Variants in CELF5 observed in about 807,000 individuals in gnomAD.
CELF5 encodes the protein CUGBP Elav-like family member 5.
CELF5 carries 6 observed loss-of-function variants against 54.9 expected under a neutral mutation model. The ratio of observed to expected loss-of-function variants is 0.11; its 90% CI spans 0.06 to 0.22. The LOEUF (loss-of-function observed/expected upper bound fraction) is 0.22, where lower values mean the gene tolerates loss of function less well. Among genes scored for constraint, CELF5 ranks in the 10% least tolerant of loss-of-function variants. CELF5 has a pLI of 1.00. For synonymous variants in CELF5, 271 were observed against 290.9 expected, an observed-to-expected ratio of 0.93 and a Z score of 0.70; for missense variants, 401 against 678.6, an observed-to-expected ratio of 0.59 and a Z score of 4.54.
rs147271511 is a variant in CELF5, at chr19:3,243,975, C to G, written c.260-7010C>G. 2.3e-4 allele frequency among the ~76,000 whole-genome samples: 35 copies of G among 152,090 alleles called. 1 individual carries two copies. The highest frequency in any genetic ancestry group is 8.0e-4 in the African/African-American group (33 of 41,480). On this transcript the variant is annotated intron_variant, in intron 1 of 12. Coordinates refer to ENST00000292672, the MANE Select transcript of CELF5 (RefSeq NM_021938.4). ...AATTCCATCTGCAATGACCCCGTTT[C>G]CAAATAAAGTCACATTCGGAGGTCC... is the stretch of plus-strand genomic sequence containing the variant.
At chr19:3,288,292 T>C (rs4258735) in intron 10 of CELF5, among the ~76,000 whole-genome samples, 82,974 of 148,854 alleles carry the variant, frequency 0.56, 23,971 homozygotes, top group Middle Eastern at 0.72. Context: ...GAGGCTGAGG[T>C]GGGCAGATTG....
intron 10 of CELF5, 77 bp from the exon 11 acceptor site, chr19:3,290,154 C>T: frequency 8.5e-7 from 1 of 1,177,814 alleles, no homozygotes; most frequent in Non-Finnish European, 1.2e-6. Context: ...ATGCGGGCTC[C>T]AGACCTGTGC....
chr19:3,244,968 G>A (rs538761462), intron 1 of CELF5, among the ~76,000 whole-genome samples: 12 of 145,066 alleles, frequency 8.3e-5, no homozygotes, highest in Admixed American at 2.1e-4. Context: ...TCTTGTCTGC[G>A]TGTGTGTGTG....
intron 1 of CELF5, among the ~76,000 whole-genome samples, chr19:3,245,536 A>G (rs993436873): frequency 7.0e-6 from 1 of 142,632 alleles, no homozygotes; most frequent in African/African-American, 2.6e-5. Flanking sequence ...TAGGGCCACC[A>G]CCCTCCAAAC....
chr19:3,231,585 ATGGG>A (rs1434331869), intron 1 of CELF5, among the ~76,000 whole-genome samples: 46 of 147,440 alleles, frequency 3.1e-4, no homozygotes, highest in African/African-American at 1.1e-3. Context: ...GGATTTGTAG[ATGGG>A]TGGGTGGATG....
chr19:3,278,659 A>G lies in CELF5; in HGVS notation c.603+549A>G, dbSNP rs2080096964. Among the ~76,000 whole-genome samples the G allele has an allele frequency of 6.7e-6, 1 of 149,272 alleles. No individual in the cohort carries two copies. The highest frequency in any genetic ancestry group is 2.5e-5 in the African/African-American group (1 of 40,530). On this transcript the variant is annotated intron_variant, in intron 5 of 12. Coordinates refer to ENST00000292672, the MANE Select transcript of CELF5 (RefSeq NM_021938.4). This position sits in a 1 kb window ranked among gnomAD's most constrained non-coding sequence, Gnocchi z 4.5. The stretch of plus-strand genomic sequence containing the variant: ...AGGAAGCACATGTGTGTGCATCTGC[A>G]GGTGCATTTGTGGGCAGGTTTGTGT...
At chr19:3,242,369 A>G (rs1281644311) in intron 1 of CELF5, among the ~76,000 whole-genome samples, 1 of 151,938 alleles carries the variant, frequency 6.6e-6, no homozygotes, top group African/African-American at 2.4e-5. Flanking sequence ...CCCCGTCTCT[A>G]CTAAAAAATA....
At chr19:3,273,806 C>A in intron 2 of CELF5, 66 bp from the exon 3 acceptor site, 2 of 1,195,558 alleles carry the variant, frequency 1.7e-6, no homozygotes, top group Middle Eastern at 2.1e-4. Flanking sequence ...AGAGCTCAGG[C>A]AAAACCCCCC....
intron 1 of CELF5, among the ~76,000 whole-genome samples, chr19:3,227,580 G>A (rs986489695): frequency 7.9e-5 from 12 of 152,066 alleles, no homozygotes; most frequent in African/African-American, 2.9e-4. Context: ...GAACACCCTG[G>A]AGGTGCACCC....
rs2080331216 is a variant in CELF5, at chr19:3,290,718, C to G, written c.1330+344C>G. Among the ~76,000 whole-genome samples the G allele has an allele frequency of 2.1e-5, 3 of 143,580 alleles. No homozygotes were observed. The South Asian group carries it at 6.9e-4, about 33-fold the overall frequency. The allele number at this position is 143,580 out of a possible 152,430, so 94.2% of individuals were successfully genotyped here. On this transcript the variant is annotated intron_variant, in intron 11 of 12. Coordinates refer to ENST00000292672, the MANE Select transcript of CELF5 (RefSeq NM_021938.4). ...AGCTGGGACTACAGGCGCCCGCCACCACACCCAGCTAATTTTTTTTTTTTT... is the reference window on the plus strand; with the variant it reads ...AGCTGGGACTACAGGCGCCCGCCACGACACCCAGCTAATTTTTTTTTTTTT...
chr19:3,293,739 G>A (rs1435177803), intron 12 of CELF5: 4 of 374,550 alleles, frequency 1.1e-5, no homozygotes, highest in Non-Finnish European at 2.0e-5. Context: ...AGGTCGGTTA[G>A]GGAATCCTTC....
intron 2 of CELF5, among the ~76,000 whole-genome samples, chr19:3,257,402 A>C (rs569854334): frequency 6.6e-6 from 1 of 152,330 alleles, no homozygotes; most frequent in East Asian, 1.9e-4. Flanking sequence ...TCCAAGGGTG[A>C]CTGGGACCAG....
intron 1 of CELF5, among the ~76,000 whole-genome samples, chr19:3,248,429 G>A (rs2079596934): frequency 6.6e-6 from 1 of 151,298 alleles, no homozygotes; most frequent in Non-Finnish European, 1.5e-5. Flanking sequence ...CCATCTCTGT[G>A]AATCTGATGG....
intron 1 of CELF5, among the ~76,000 whole-genome samples, chr19:3,240,680 C>G (rs979959660): frequency 1.3e-5 from 2 of 151,824 alleles, no homozygotes; most frequent in Non-Finnish European, 2.9e-5. Flanking sequence ...GGCTCTTGTT[C>G]TATGGCCCCA....
chr19:3,257,789 AT>A (rs1408448524), intron 2 of CELF5, among the ~76,000 whole-genome samples: 1 of 69,074 alleles, frequency 1.4e-5, no homozygotes, highest in Admixed American at 1.3e-4. Flanking sequence ...ATTTTTTTTT[AT>A]TTATTTATTT....
chr19:3,260,890 G>A (rs932628189), intron 2 of CELF5, among the ~76,000 whole-genome samples: 1 of 151,796 alleles, frequency 6.6e-6, no homozygotes, highest in African/African-American at 2.4e-5. Flanking sequence ...CCAAAGTGCT[G>A]GGATTACAGG....
intron 1 of CELF5, among the ~76,000 whole-genome samples, chr19:3,234,300 T>C (rs917125998): frequency 1.3e-5 from 2 of 152,106 alleles, no homozygotes; most frequent in African/African-American, 4.8e-5. Context: ...CATCTCACTA[T>C]GTTGCTAAGG....
chr19:3,289,333 A>G (rs2145307484), intron 10 of CELF5, among the ~76,000 whole-genome samples: 1 of 152,176 alleles, frequency 6.6e-6, no homozygotes, highest in South Asian at 2.1e-4. Context: ...AGGAAGGAGG[A>G]TCGGTTGAGC....
At position 3,252,287 on chromosome 19, in the gene CELF5, G is replaced by A. The variant is rs138826874; in HGVS notation, c.342+1220G>A. ...CTGGCTCAAGCGTTCCTCCTGCTTC[G>A]GCCTCCCAAAGTGCTGGGATTACAG... On this transcript the variant is annotated intron_variant, in intron 2 of 12. Transcript: ENST00000292672. 6.6e-3 allele frequency among the ~76,000 whole-genome samples: 997 copies of A among 151,980 alleles called. 15 individuals carry two copies. The highest frequency in any genetic ancestry group is 0.022 in the African/African-American group (929 of 41,444).
Sources: allele counts gnomAD v4.1 joint callset (sites outside exome capture counted in the v4.1 genomes callset), GRCh38; gene constraint gnomAD v4.1.1; non-coding constraint Gnocchi (gnomAD v3.1); transcripts MANE v1.5; gene names NCBI Gene and HGNC (gene_info 2026-07-23, HGNC 2026-07-21).